Variants in CAPN13 observed in about 807,000 individuals in gnomAD.
CAPN13 encodes the protein calpain-13.
Under a neutral mutation model 98.4 loss-of-function variants are expected in CAPN13, and 90 were observed. The ratio of observed to expected loss-of-function variants is 0.92; its 90% CI spans 0.77 to 1.09. The LOEUF (loss-of-function observed/expected upper bound fraction) is 1.09, where lower values mean the gene tolerates loss of function less well. Ranked by LOEUF, CAPN13 falls within the 50% of genes least tolerant of loss-of-function variation. The probability of loss-of-function intolerance (pLI) is 0.00; values close to 1 mark genes in which losing one functional copy is unlikely to be tolerated. For synonymous variants in CAPN13, 330 were observed against 305.5 expected, an observed-to-expected ratio of 1.08 and a Z score of -0.84; for missense variants, 887 against 841.3, an observed-to-expected ratio of 1.05 and a Z score of -0.67.
At chr2:30,739,610 T>G (rs549770596) in intron 15 of CAPN13, among the ~76,000 whole-genome samples, 8 of 152,278 alleles carry the variant, frequency 5.3e-5, no homozygotes, top group African/African-American at 1.7e-4. Flanking sequence ...TTCCAGAGAC[T>G]CAGGACACCT....
intron 8 of CAPN13, among the ~76,000 whole-genome samples, chr2:30,756,859 T>C (rs1672478573): frequency 6.6e-6 from 1 of 152,218 alleles, no homozygotes; most frequent in Non-Finnish European, 1.5e-5. Flanking sequence ...AGGAATTCAC[T>C]GTGCTGTTTC....
chr2:30,723,864 T>C (rs982339268), intron 22 of CAPN13, among the ~76,000 whole-genome samples: 3 of 152,160 alleles, frequency 2.0e-5, no homozygotes, highest in African/African-American at 7.2e-5. Context: ...TTTTTTTCCA[T>C]GAAAACTCAG....
At chr2:30,782,523 C>A (rs1385706108) in intron 2 of CAPN13, among the ~76,000 whole-genome samples, 1 of 152,190 alleles carries the variant, frequency 6.6e-6, no homozygotes, top group African/African-American at 2.4e-5. Flanking sequence ...ACCTTGTTAA[C>A]CTCTTCCTTT....
intron 1 of CAPN13, among the ~76,000 whole-genome samples, chr2:30,788,208 G>C (rs1674419308): frequency 6.6e-6 from 1 of 152,226 alleles, no homozygotes; most frequent in South Asian, 2.1e-4. Flanking sequence ...GAATATTCAA[G>C]CCTGTGAACC....
chr2:30,742,201 G>T, intron 14 of CAPN13, 125 bp downstream of exon 14: 1 of 1,234,490 alleles, frequency 8.1e-7, no homozygotes, highest in Non-Finnish European at 1.2e-6. Context: ...GCCTTCATCG[G>T]CCTATCATGG....
intron 11 of CAPN13, among the ~76,000 whole-genome samples, chr2:30,750,421 A>G (rs1182946677): frequency 6.6e-6 from 1 of 152,114 alleles, no homozygotes. Context: ...ATGTTTACCT[A>G]TGTAAGAAAC....
At chr2:30,778,695 G>A (rs529544768) in intron 2 of CAPN13, among the ~76,000 whole-genome samples, 43 of 152,296 alleles carry the variant, frequency 2.8e-4, no homozygotes, top group Admixed American at 2.4e-3. Context: ...AGGGGAAAAC[G>A]AAGGTGTGCC....
At chr2:30,800,100 A>G (rs1412388106) in intron 1 of CAPN13, among the ~76,000 whole-genome samples, 3 of 141,478 alleles carry the variant, frequency 2.1e-5, no homozygotes, top group Non-Finnish European at 4.5e-5. Flanking sequence ...AAAGAAAAGA[A>G]AGAAAGAAAA....
At position 30,797,939 on chromosome 2, in the gene CAPN13, T is replaced by C. The variant is rs528817462; in HGVS notation, c.-33+9363A>G. 6.7e-3 allele frequency among the ~76,000 whole-genome samples: 1,022 copies of C among 152,348 alleles called. 9 individuals are homozygous for C. The highest frequency in any genetic ancestry group is 0.023 in the South Asian group (111 of 4,830). On this transcript the variant is annotated intron_variant, in intron 1 of 22. Transcript: ENST00000295055. ...CCTCTGCTTACCCTGTCCTACACGATGGCCAGGTGTCCCTGAGGCCAAACA... is the reference window on the plus strand; with the variant it reads ...CCTCTGCTTACCCTGTCCTACACGACGGCCAGGTGTCCCTGAGGCCAAACA...
intron 22 of CAPN13, among the ~76,000 whole-genome samples, chr2:30,723,851 A>AT (rs141639576): frequency 1.7e-4 from 26 of 151,318 alleles, no homozygotes; most frequent in Admixed American, 8.6e-4. Context: ...TAGTTTGCCT[A>AT]TTTTTTTTTC....
chr2:30,753,791 A>G (rs1278705084), intron 9 of CAPN13, among the ~76,000 whole-genome samples: 3 of 152,202 alleles, frequency 2.0e-5, no homozygotes, highest in African/African-American at 2.4e-5. Flanking sequence ...TGTACACGTC[A>G]TGCTCTAAGA....
intron 5 of CAPN13, 145 bp downstream of exon 5, chr2:30,770,168 A>G: frequency 8.9e-7 from 1 of 1,122,818 alleles, no homozygotes. Flanking sequence ...TGGCCCCAAC[A>G]TGGACCTTTG....
intron 1 of CAPN13, among the ~76,000 whole-genome samples, chr2:30,792,257 G>A (rs544928880): frequency 6.0e-4 from 91 of 152,152 alleles, no homozygotes; most frequent in African/African-American, 2.1e-3. Flanking sequence ...GATAAAATGA[G>A]CAAAGCAAAA....
At chr2:30,770,615 T>G (rs569656602) in intron 4 of CAPN13, among the ~76,000 whole-genome samples, 166 bp from the exon 5 acceptor site, 84 of 152,328 alleles carry the variant, frequency 5.5e-4, no homozygotes, top group Admixed American at 3.1e-3. Flanking sequence ...AGGCATGTCA[T>G]CTCAACCGGC....
chr2:30,802,267 A>T (rs1234710327), intron 1 of CAPN13, among the ~76,000 whole-genome samples: 1 of 152,204 alleles, frequency 6.6e-6, no homozygotes, highest in East Asian at 1.9e-4. Flanking sequence ...GAGACACACG[A>T]TGAAGGTCCC....
At chr2:30,761,749 C>T (rs1672861255) in intron 7 of CAPN13, among the ~76,000 whole-genome samples, 1 of 152,174 alleles carries the variant, frequency 6.6e-6, no homozygotes, top group African/African-American at 2.4e-5. Context: ...GTCCAAAAAG[C>T]ATTCATTAGA....
rs779837148 is a variant in CAPN13 at position 30,732,456 on chromosome 2, G to T, written c.1909C>A (p.Arg637=). 4.3e-6 allele frequency: 7 copies of T among 1,613,334 alleles called. No homozygotes were observed. The African/African-American group carries it at 9.3e-5, about 22-fold the overall frequency. The change falls in exon 20 of 23, where the codon CGG becomes AGG. Residue 637 remains arginine (R), a synonymous_variant. Transcript: ENST00000295055. ...SFPSLVCFLM[R]LEAMAKTFRN... ...CACTTACTTGCCATGGCTTCAAGCCGCATCAGGAAGCAGACCAGGCTGGGG... is the reference window on the plus strand; with the variant it reads ...CACTTACTTGCCATGGCTTCAAGCCTCATCAGGAAGCAGACCAGGCTGGGG...
intron 1 of CAPN13, among the ~76,000 whole-genome samples, chr2:30,800,116 A>G (rs757085021): frequency 8.2e-5 from 7 of 85,596 alleles, no homozygotes; most frequent in Non-Finnish European, 9.3e-5. Context: ...GAAAAGAAAG[A>G]AAAGAAAGAA....
chr2:30,745,085 C>G (rs185869714), intron 12 of CAPN13, among the ~76,000 whole-genome samples: 2 of 152,274 alleles, frequency 1.3e-5, no homozygotes, highest in African/African-American at 4.8e-5. Context: ...TCTTGCTCCT[C>G]TCTTTCATCT....
Sources: gnomAD v4.1 joint callset for allele counts (sites outside exome capture counted in the v4.1 genomes callset) on GRCh38, gnomAD v4.1.1 for gene constraint, MANE v1.5 for transcripts, NCBI Gene and HGNC (gene_info 2026-07-23, HGNC 2026-07-21) for gene names.